The following CTNNA3 variants were observed in gnomAD, a reference collection of about 807,000 sequenced individuals.
CTNNA3 encodes the protein catenin alpha-3.
A neutral mutation model predicts 95.7 loss-of-function variants in CTNNA3; 76 were observed. The ratio of observed to expected loss-of-function variants is 0.79; its 90% confidence interval spans 0.66 to 0.96. CTNNA3 has a LOEUF of 0.96. CTNNA3 is among the 40% of genes least tolerant of loss of function. The pLI is 0.00. For synonymous variants in CTNNA3, 431 were observed against 374.4 expected (o/e 1.15, Z -1.74); for missense variants, 1,191 against 1,089.8 (o/e 1.09, Z -1.31).
intron 15 of CTNNA3, among the ~76,000 whole-genome samples, chr10:66,043,758 T>TACTA (rs1372636364): frequency 2.0e-5 from 3 of 152,112 alleles, no homozygotes; most frequent in Non-Finnish European, 4.4e-5. Context: ...GGTGCCCAGA[T>TACTA]ACTATCCCTG....
intron 12 of CTNNA3, among the ~76,000 whole-genome samples, chr10:66,346,242 TATATAGAGAGAGAGAGAGAG>T (rs1357520000): frequency 6.4e-3 from 57 of 8,840 alleles, no homozygotes; most frequent in East Asian, 0.047. Context: ...TATATATATA[TATATAGAGAGAGAGAGAGAG>T]AGAGAGAGAG....
intron 13 of CTNNA3, among the ~76,000 whole-genome samples, chr10:66,147,609 T>TTTTTG (rs2083960773): frequency 9.4e-5 from 1 of 10,664 alleles, no homozygotes; most frequent in Non-Finnish European, 1.5e-4. Context: ...TTGCTTTCAG[T>TTTTTG]TTTTTTTTTT....
At chr10:67,604,226 G>C (rs1843182630) in intron 3 of CTNNA3, among the ~76,000 whole-genome samples, 1 of 152,154 alleles carries the variant, frequency 6.6e-6, no homozygotes, top group African/African-American at 2.4e-5. Flanking sequence ...AGTAAGGTAT[G>C]ACTGTAGCTG....
Position 66,942,352 on chromosome 10 carries a change from C to T in CTNNA3, c.1048-166828G>A, listed in dbSNP as rs117788691. Among the ~76,000 whole-genome samples, 453 of 152,158 alleles carry T rather than the reference C, an allele frequency of 3.0e-3. 1 individual carries two copies. Among genetic ancestry groups the T allele is most frequent in the Middle Eastern group, 6.8e-3 (2 of 294 alleles). ...AGGATCTACCAGCAATTTGCAAGCCCGTTATTAATATCCTTTAATGGACTT... is the reference window on the plus strand; with the variant it reads ...AGGATCTACCAGCAATTTGCAAGCCTGTTATTAATATCCTTTAATGGACTT... On this transcript the variant is annotated intron_variant, in intron 7 of 17. Transcript: ENST00000433211.
Position 66,169,154 on chromosome 10 carries a change from G to C in CTNNA3, c.1885-65905C>G, listed in dbSNP as rs904817221. Among the ~76,000 whole-genome samples, 4 of 152,142 alleles carry C rather than the reference G, an allele frequency of 2.6e-5. No homozygotes were observed. The South Asian group carries it at 8.3e-4, about 31-fold the overall frequency. ...GAACAGTACAAATTGAAGCCAATCT[G>C]TAGTCTTTTATCCCTCACTCCCTTC... On this transcript the variant is annotated intron_variant, in intron 13 of 17. Coordinates refer to ENST00000433211, the MANE Select transcript of CTNNA3 (RefSeq NM_013266.4).
At chr10:66,120,275 G>A (rs186240754) in intron 13 of CTNNA3, among the ~76,000 whole-genome samples, 32 of 152,238 alleles carry the variant, frequency 2.1e-4, no homozygotes, top group Admixed American at 1.6e-3. Flanking sequence ...TAGGGTTGTT[G>A]TGAGGAATAT....
At chr10:67,192,093 TA>T (rs1165675457) in intron 6 of CTNNA3, among the ~76,000 whole-genome samples, 3 of 151,960 alleles carry the variant, frequency 2.0e-5, no homozygotes, top group Admixed American at 2.0e-4. Context: ...TTGAAATGGA[TA>T]AAAGACATAA....
At chr10:66,647,596 C>T (rs969316774) in intron 9 of CTNNA3, among the ~76,000 whole-genome samples, 5 of 151,114 alleles carry the variant, frequency 3.3e-5, no homozygotes, top group African/African-American at 4.9e-5. Flanking sequence ...CTGCAAGCTC[C>T]GCCTCCTGGG....
At chr10:66,413,000 A>G (rs1470892022) in intron 11 of CTNNA3, among the ~76,000 whole-genome samples, 1 of 152,246 alleles carries the variant, frequency 6.6e-6, no homozygotes, top group Non-Finnish European at 1.5e-5. Context: ...CAGTGATTAT[A>G]TCACAGGAAT....
chr10:67,271,491 A>C (rs1206312792), intron 5 of CTNNA3, among the ~76,000 whole-genome samples: 2 of 152,120 alleles, frequency 1.3e-5, no homozygotes, highest in African/African-American at 4.8e-5. Flanking sequence ...ACTGTGAGTC[A>C]ATTAAACCTC....
chr10:67,049,529 C>T (rs1854954787), intron 7 of CTNNA3, among the ~76,000 whole-genome samples: 1 of 152,074 alleles, frequency 6.6e-6, no homozygotes, highest in Admixed American at 6.6e-5. Context: ...ATAATTAATT[C>T]CACCAAGGTT....
At chr10:66,429,952 G>A (rs1185308854) in intron 11 of CTNNA3, among the ~76,000 whole-genome samples, 1 of 150,110 alleles carries the variant, frequency 6.7e-6, no homozygotes, top group Non-Finnish European at 1.5e-5. Flanking sequence ...AGGAAAAGAG[G>A]AAGACAAATT....
intron 15 of CTNNA3, among the ~76,000 whole-genome samples, chr10:66,018,394 A>T (rs1011703722): frequency 6.6e-6 from 1 of 152,138 alleles, no homozygotes; most frequent in African/African-American, 2.4e-5. Flanking sequence ...ACATACAAAC[A>T]ATGTGAAAGC....
intron 7 of CTNNA3, among the ~76,000 whole-genome samples, chr10:67,043,686 A>G (rs985696782): frequency 4.3e-4 from 65 of 152,054 alleles, no homozygotes; most frequent in African/African-American, 1.5e-3. Flanking sequence ...TTAATCTCCC[A>G]CTGCTCCTAA....
intron 9 of CTNNA3, among the ~76,000 whole-genome samples, chr10:66,716,882 T>C (rs1046904348): frequency 2.6e-5 from 4 of 152,228 alleles, no homozygotes. Context: ...CCTAGCTATC[T>C]GGTCAAATAT....
At position 66,459,898 on chromosome 10, in the gene CTNNA3, TA is replaced by T. The variant is rs1320613285; in HGVS notation, c.1531+60718del. Among the ~76,000 whole-genome samples, 6 of 152,330 alleles carry T rather than the reference TA, an allele frequency of 3.9e-5. No individual in the cohort carries two copies. The South Asian group carries it at 1.0e-3, about 26-fold the overall frequency. On this transcript the variant is annotated intron_variant, in intron 11 of 17. Coordinates refer to ENST00000433211, the MANE Select transcript of CTNNA3 (RefSeq NM_013266.4). ...TGACTGCATTTAGTAATTATTTATT[TA>T]TTTTTTTAATTTCTTATATTGTTAT... is the stretch of plus-strand genomic sequence containing the variant.
intron 5 of CTNNA3, among the ~76,000 whole-genome samples, chr10:67,400,544 T>C (rs527593498): frequency 4.4e-4 from 67 of 152,288 alleles, no homozygotes; most frequent in Non-Finnish European, 9.1e-4. Flanking sequence ...GAAGATGATA[T>C]TGAGATCATA....
chr10:66,530,977 A>T (rs559806582), intron 10 of CTNNA3, among the ~76,000 whole-genome samples: 1 of 152,296 alleles, frequency 6.6e-6, no homozygotes, highest in African/African-American at 2.4e-5. Context: ...GAAAAGTTCA[A>T]CCTAGGACTA....
intron 11 of CTNNA3, among the ~76,000 whole-genome samples, chr10:66,443,247 A>G (rs927312940): frequency 3.3e-5 from 5 of 151,940 alleles, no homozygotes; most frequent in Admixed American, 6.6e-5. Flanking sequence ...ATAGACAAAC[A>G]AAAAGACAGC....
Sources: gnomAD v4.1 joint callset for allele counts (sites outside exome capture counted in the v4.1 genomes callset) on GRCh38, gnomAD v4.1.1 for gene constraint, MANE v1.5 for transcripts, NCBI Gene and HGNC (gene_info 2026-07-23, HGNC 2026-07-21) for gene names.